The following CELF5 variants were observed in gnomAD, a reference collection of about 807,000 sequenced individuals.
The protein encoded by CELF5 is CUG-BP and ETR-3 like factor 5.
CELF5 carries 6 observed loss-of-function variants against 54.9 expected under a neutral mutation model. The observed-to-expected ratio is 0.11, with a 90% CI of 0.06 to 0.22. The LOEUF (loss-of-function observed/expected upper bound fraction) is 0.22, where lower values mean the gene tolerates loss of function less well. Ranked by LOEUF, CELF5 falls within the 10% of genes least tolerant of loss-of-function variation. The pLI is 1.00. For synonymous variants in CELF5, 271 were observed against 290.9 expected, an observed-to-expected ratio of 0.93 and a Z score of 0.70; for missense variants, 401 against 678.6, an observed-to-expected ratio of 0.59 and a Z score of 4.54.
At position 3,268,477 on chromosome 19, in the gene CELF5, T is replaced by A. The variant is rs2079913936; in HGVS notation, c.343-5395T>A. Among the ~76,000 whole-genome samples the A allele has an allele frequency of 6.6e-6, 1 of 152,044 alleles. No homozygotes were observed. Among genetic ancestry groups the A allele is most frequent in the African/African-American group, 2.4e-5 (1 of 41,416 alleles). On this transcript the variant is annotated intron_variant, in intron 2 of 12. Transcript: ENST00000292672. This position sits in a 1 kb window ranked among gnomAD's most constrained non-coding sequence, Gnocchi z 4.4. ...GGGCGTCGTGTCATCTTTCTGGGCC[T>A]GTGCAGACACCAAATTGTAAGACAC... is the stretch of plus-strand genomic sequence containing the variant.
At chr19:3,285,000 G>C in intron 9 of CELF5, 36 bp downstream of exon 9, 1 of 1,543,722 alleles carries the variant, frequency 6.5e-7, no homozygotes, top group Non-Finnish European at 8.8e-7. Flanking sequence ...CTGGGCCCTG[G>C]CCCCGCCCCC....
chr19:3,258,647 T>G (rs2079765530), intron 2 of CELF5, among the ~76,000 whole-genome samples: 1 of 152,194 alleles, frequency 6.6e-6, no homozygotes, highest in Non-Finnish European at 1.5e-5. Flanking sequence ...GGTCTTGCTC[T>G]GTCGCCCAGG....
chr19:3,275,821 G>C lies in CELF5; in HGVS notation c.395-35G>C, dbSNP rs1013080672. The C allele has an allele frequency of 1.3e-6, 2 of 1,581,506 alleles. No homozygotes were observed. Among genetic ancestry groups the C allele is most frequent in the South Asian group, 2.2e-5 (2 of 89,066 alleles). ...AATCCCGGAGGCCCTCCCGGAGGCC[G>C]GGGACTCGGCTGAGGTGGGTGTCGC... On this transcript the variant is annotated intron_variant, in intron 3 of 12. Coordinates refer to ENST00000292672, the MANE Select transcript of CELF5 (RefSeq NM_021938.4). This position sits in a 1 kb window ranked among gnomAD's most constrained non-coding sequence, Gnocchi z 6.7.
intron 2 of CELF5, among the ~76,000 whole-genome samples, chr19:3,273,097 C>T (rs923348325): frequency 6.6e-6 from 1 of 152,158 alleles, no homozygotes; most frequent in Admixed American, 6.5e-5. Context: ...CCACCCAAAG[C>T]TCCTGGGAGA....
At chr19:3,234,657 G>A (rs1917433725) in intron 1 of CELF5, among the ~76,000 whole-genome samples, 1 of 152,080 alleles carries the variant, frequency 6.6e-6, no homozygotes, top group African/African-American at 2.4e-5. Flanking sequence ...GCAGTGTCCT[G>A]GGGATGAGGC....
rs1243802690 is a variant in CELF5 at position 3,228,684 on chromosome 19, G to T, written c.259+3686G>T. On this transcript the variant is annotated intron_variant, in intron 1 of 12. Coordinates refer to ENST00000292672, the MANE Select transcript of CELF5 (RefSeq NM_021938.4). The surrounding 1 kb of genome is among the most constrained non-coding windows in gnomAD (Gnocchi z 6.0). ...CCATGGGAGCACCAGCTGCCGGCTC[G>T]ACTCGGGAGGGGGGGAGGAGGAGGC... Among the ~76,000 whole-genome samples the T allele has an allele frequency of 6.6e-6, 1 of 150,454 alleles. No homozygotes were observed. The highest frequency in any genetic ancestry group is 1.5e-5 in the Non-Finnish European group (1 of 67,328).
intron 2 of CELF5, among the ~76,000 whole-genome samples, chr19:3,263,576 A>AAAC (rs143211627): frequency 0.037 from 5,656 of 151,708 alleles, 318 homozygotes; most frequent in East Asian, 0.24. Flanking sequence ...ACAAAGAAAC[A>AAAC]AACAAACAAA....
chr19:3,294,317 G>T (rs1440299224), intron 12 of CELF5: 2 of 152,156 alleles, frequency 1.3e-5, no homozygotes, highest in African/African-American at 4.8e-5. Flanking sequence ...AGAGACGGCG[G>T]AAACGGTCCA....
At chr19:3,255,209 G>A (rs2079707395) in intron 2 of CELF5, among the ~76,000 whole-genome samples, 1 of 151,938 alleles carries the variant, frequency 6.6e-6, no homozygotes, top group Admixed American at 6.6e-5. Context: ...TTTTGAGACA[G>A]AGTCTCACTC....
intron 1 of CELF5, among the ~76,000 whole-genome samples, chr19:3,227,096 C>T (rs1445135809): frequency 1.3e-5 from 2 of 152,136 alleles, no homozygotes; most frequent in Non-Finnish European, 2.9e-5. Context: ...AGGGGCTTCA[C>T]CTCGTGTCGA....
In CELF5 at chr19:3,288,820, C is replaced by T. The variant is rs374385247; in HGVS notation, c.1187-1411C>T. Among the ~76,000 whole-genome samples, 12 of 152,056 alleles carry T rather than the reference C, an allele frequency of 7.9e-5. No homozygotes were observed. In the East Asian group the frequency reaches 9.6e-4, roughly 12 times the overall value. ...CTATGATTGTGCCACTGCAATCCAG[C>T]CTGGGTAACAAAGAGACCCTGTCCC... On this transcript the variant is annotated intron_variant, in intron 10 of 12. Transcript: ENST00000292672.
intron 2 of CELF5, among the ~76,000 whole-genome samples, chr19:3,251,491 G>A (rs1480865573): frequency 6.6e-6 from 1 of 152,068 alleles, no homozygotes; most frequent in Non-Finnish European, 1.5e-5. Context: ...AGAAAGAAAG[G>A]CGGGAAGGGC....
intron 2 of CELF5, among the ~76,000 whole-genome samples, chr19:3,253,193 C>G (rs1039232409): frequency 6.6e-5 from 10 of 151,990 alleles, no homozygotes; most frequent in African/African-American, 2.4e-4. Context: ...CAGATTAGTG[C>G]CCAGGGGCAC....
chr19:3,258,942 C>T (rs553168670), intron 2 of CELF5, among the ~76,000 whole-genome samples: 56 of 152,272 alleles, frequency 3.7e-4, no homozygotes, highest in African/African-American at 1.3e-3. Flanking sequence ...CACCATCTAA[C>T]TCACTCCAGG....
chr19:3,259,055 G>A (rs983644547), intron 2 of CELF5, among the ~76,000 whole-genome samples: 1 of 152,158 alleles, frequency 6.6e-6, no homozygotes, highest in Non-Finnish European at 1.5e-5. Context: ...GGGTGGACAG[G>A]GTGGCTTCTT....
chr19:3,286,122 C>T (rs900497419), intron 10 of CELF5, 97 bp downstream of exon 10: 1 of 1,123,166 alleles, frequency 8.9e-7, no homozygotes, highest in South Asian at 1.7e-5. Flanking sequence ...CTGGGACCCG[C>T]GGGGCTGAGA....
Position 3,228,287 on chromosome 19 carries a change from G to C in CELF5, c.259+3289G>C, listed in dbSNP as rs1362423230. 6.6e-6 allele frequency among the ~76,000 whole-genome samples: 1 copy of C among 152,118 alleles called. No homozygotes were observed. Among genetic ancestry groups the C allele is most frequent in the Admixed American group, 6.5e-5 (1 of 15,278 alleles). ...TGCTCCTGCCAGAACTCCGCATCCAGAGAGCGGGGACCTCCCCCAGGAAGG... is the reference window on the plus strand; with the variant it reads ...TGCTCCTGCCAGAACTCCGCATCCACAGAGCGGGGACCTCCCCCAGGAAGG... On this transcript the variant is annotated intron_variant, in intron 1 of 12. Transcript: ENST00000292672. The surrounding 1 kb of genome is among the most constrained non-coding windows in gnomAD (Gnocchi z 6.0).
At chr19:3,289,363 C>T (rs1031522119) in intron 10 of CELF5, among the ~76,000 whole-genome samples, 1 of 152,044 alleles carries the variant, frequency 6.6e-6, no homozygotes, top group Admixed American at 6.6e-5. Flanking sequence ...CCAGATTAGC[C>T]TGGGCAACAT....
Position 3,281,951 on chromosome 19 carries a change from G to A in CELF5, c.751-175G>A, listed in dbSNP as rs1157549739. Among the ~76,000 whole-genome samples the A allele has an allele frequency of 6.6e-6, 1 of 151,964 alleles. No individual in the cohort carries two copies. Among genetic ancestry groups the A allele is most frequent in the African/African-American group, 2.4e-5 (1 of 41,370 alleles). ...TCAGCCTGAGCCTCACTTCCGAACC[G>A]ATCTCTGCTCCCAGGCTGAGCCTTG... On this transcript the variant is annotated intron_variant, in intron 6 of 12. Transcript: ENST00000292672. The surrounding 1 kb of genome is among the most constrained non-coding windows in gnomAD (Gnocchi z 6.5).
Sources: allele counts gnomAD v4.1 joint callset (sites outside exome capture counted in the v4.1 genomes callset), GRCh38; gene constraint gnomAD v4.1.1; non-coding constraint Gnocchi (gnomAD v3.1); transcripts MANE v1.5; gene names NCBI Gene and HGNC (gene_info 2026-07-23, HGNC 2026-07-21).